The following DLGAP2 variants were observed in gnomAD, a reference collection of about 807,000 sequenced individuals.
The protein encoded by DLGAP2 is DLG associated protein 2, also known as disks large-associated protein 2.
DLGAP2 carries 26 observed loss-of-function variants against 100.3 expected under a neutral mutation model. The ratio of observed to expected loss-of-function variants is 0.26; its 90% CI spans 0.19 to 0.36. The LOEUF (loss-of-function observed/expected upper bound fraction) is 0.36, where lower values mean the gene tolerates loss of function less well. Ranked by LOEUF, DLGAP2 falls within the 10% of genes least tolerant of loss-of-function variation. The pLI is 1.00. For synonymous variants in DLGAP2, 886 were observed against 630.1 expected (o/e 1.41, Z -6.08); for missense variants, 1,858 against 1,453.2 (o/e 1.28, Z -4.53).
intron 2 of DLGAP2, among the ~76,000 whole-genome samples, chr8:1,185,834 C>G (rs895082814): frequency 6.6e-6 from 1 of 152,146 alleles, no homozygotes; most frequent in African/African-American, 2.4e-5. Flanking sequence ...AACACAAACA[C>G]ACATTCAGGA....
At chr8:1,256,703 C>T (rs1398559769) in intron 2 of DLGAP2, among the ~76,000 whole-genome samples, 1 of 152,174 alleles carries the variant, frequency 6.6e-6, no homozygotes, top group Admixed American at 6.5e-5. Context: ...TGACTGTGGG[C>T]CCTCTGTTCC....
intron 3 of DLGAP2, among the ~76,000 whole-genome samples, chr8:1,279,889 G>T (rs756022587): frequency 6.6e-6 from 1 of 152,198 alleles, no homozygotes; most frequent in South Asian, 2.1e-4. Flanking sequence ...CAGTCTACAC[G>T]CCAAGGAAGG....
At chr8:857,356 G>C (rs1340503395) in intron 1 of DLGAP2, among the ~76,000 whole-genome samples, 1 of 152,194 alleles carries the variant, frequency 6.6e-6, no homozygotes, top group African/African-American at 2.4e-5. Flanking sequence ...AAAATGAACA[G>C]CTTCTGCTCT....
chr8:968,258 G>T (rs540050529), intron 2 of DLGAP2, among the ~76,000 whole-genome samples: 5 of 152,172 alleles, frequency 3.3e-5, no homozygotes, highest in African/African-American at 9.6e-5. Context: ...TGGGGCCCCT[G>T]CCCCCAACCC....
chr8:1,130,556 G>A (rs746478911), intron 2 of DLGAP2, among the ~76,000 whole-genome samples: 15 of 152,180 alleles, frequency 9.9e-5, no homozygotes, highest in East Asian at 9.6e-4. Flanking sequence ...CAGATGCCGC[G>A]TTTTCTGAAC....
At chr8:1,279,020 A>G (rs1799762730) in intron 3 of DLGAP2, among the ~76,000 whole-genome samples, 1 of 152,218 alleles carries the variant, frequency 6.6e-6, no homozygotes. Context: ...ACATATAGTA[A>G]TGGGGAAGAA....
intron 3 of DLGAP2, among the ~76,000 whole-genome samples, chr8:1,417,724 C>G (rs1796967055): frequency 6.8e-6 from 1 of 148,116 alleles, no homozygotes. Flanking sequence ...GGCGAGGCTC[C>G]AGACACAGAA....
chr8:954,258 A>G (rs1051005902), intron 2 of DLGAP2, among the ~76,000 whole-genome samples: 2 of 152,204 alleles, frequency 1.3e-5, no homozygotes, highest in African/African-American at 4.8e-5. Context: ...GCAATACAGT[A>G]TTATTAACTA....
chr8:1,146,841 T>A (rs1796617610), intron 2 of DLGAP2, among the ~76,000 whole-genome samples: 1 of 152,224 alleles, frequency 6.6e-6, no homozygotes, highest in South Asian at 2.1e-4. Flanking sequence ...GTTTCAGGGC[T>A]GCCTATTAGA....
intron 3 of DLGAP2, among the ~76,000 whole-genome samples, chr8:1,359,062 C>T (rs968313585): frequency 6.6e-6 from 1 of 152,154 alleles, no homozygotes; most frequent in African/African-American, 2.4e-5. Context: ...GGGGTGGGGC[C>T]CACGATTCTG....
chr8:1,157,589 A>G (rs953226358), intron 2 of DLGAP2, among the ~76,000 whole-genome samples: 1 of 152,202 alleles, frequency 6.6e-6, no homozygotes, highest in Non-Finnish European at 1.5e-5. Context: ...AGACCAGCCA[A>G]CGGTGGCGCT....
intron 7 of DLGAP2, among the ~76,000 whole-genome samples, chr8:1,627,622 T>G (rs1317074312): frequency 6.6e-6 from 1 of 152,270 alleles, no homozygotes; most frequent in Non-Finnish European, 1.5e-5. Context: ...AAACAGTGCT[T>G]GAGCTGACCT....
At chr8:1,102,824 A>C (rs115925865) in intron 2 of DLGAP2, among the ~76,000 whole-genome samples, 1 of 151,880 alleles carries the variant, frequency 6.6e-6, no homozygotes, top group Non-Finnish European at 1.5e-5. Context: ...ACGGGGCAGA[A>C]AATGTGCGTG....
intron 2 of DLGAP2, among the ~76,000 whole-genome samples, chr8:1,165,304 A>G (rs892813161): frequency 6.6e-6 from 1 of 151,866 alleles, no homozygotes; most frequent in Non-Finnish European, 1.5e-5. Context: ...AGACAGGGAG[A>G]GAGAGAGAGA....
At chr8:835,994 C>T (rs1393151624) in intron 1 of DLGAP2, among the ~76,000 whole-genome samples, 2 of 152,166 alleles carry the variant, frequency 1.3e-5, no homozygotes, top group African/African-American at 2.4e-5. Context: ...CACGTTCCTT[C>T]CTTGGAAGAC....
At chr8:1,478,522 C>A (rs886800018) in intron 3 of DLGAP2, among the ~76,000 whole-genome samples, 9 of 152,224 alleles carry the variant, frequency 5.9e-5, no homozygotes, top group African/African-American at 2.2e-4. Context: ...TTTCTCTATT[C>A]CTCTCTCCAT....
chr8:1,333,459 A>G (rs1379064109), intron 3 of DLGAP2, among the ~76,000 whole-genome samples: 2 of 152,118 alleles, frequency 1.3e-5, no homozygotes, highest in East Asian at 3.9e-4. Flanking sequence ...CCATCCCGTC[A>G]TCAGATTGTC....
At chr8:750,590 T>C (rs1585822961) in intron 1 of DLGAP2, among the ~76,000 whole-genome samples, 1 of 152,316 alleles carries the variant, frequency 6.6e-6, no homozygotes, top group East Asian at 1.9e-4. Flanking sequence ...AACATGACTT[T>C]TAAAAACTAC....
At chr8:1,388,711 C>T (rs1585325850) in intron 3 of DLGAP2, among the ~76,000 whole-genome samples, 1 of 91,444 alleles carries the variant, frequency 1.1e-5, no homozygotes, top group African/African-American at 4.0e-5. Flanking sequence ...GAGGCAGAGG[C>T]CGTGGATGAG....
Sources: allele counts gnomAD v4.1 joint callset (sites outside exome capture counted in the v4.1 genomes callset), GRCh38; gene constraint gnomAD v4.1.1; transcripts MANE v1.5; gene names NCBI Gene and HGNC (gene_info 2026-07-23, HGNC 2026-07-21).